The following PAK4 variants were observed in gnomAD, a reference collection of about 807,000 sequenced individuals.
PAK4 encodes the protein p21 (RAC1) activated kinase 4.
Under a neutral mutation model 53.5 loss-of-function variants are expected in PAK4, and 49 were observed. That is an observed-to-expected ratio of 0.92 (90% CI 0.73 to 1.16). PAK4 has a LOEUF of 1.16. PAK4 is among the 50% of genes most tolerant of loss of function. The pLI is 0.00. For missense variants in PAK4, 824 were observed against 850.7 expected, an observed-to-expected ratio of 0.97 and a Z score of 0.39; for synonymous variants, 376 against 375.6, an observed-to-expected ratio of 1.00 and a Z score of -0.01.
In PAK4 at chr19:39,156,057, A is replaced by C. The variant is rs184751483; in HGVS notation, c.-22-13475A>C. On this transcript the variant is annotated intron_variant, in intron 1 of 8. Transcript: ENST00000358301. ...ATCCACACCTCCCGGCCCTATTCTC[A>C]CACCTCAGGATGGCGATATGGGGGC... Among the ~76,000 whole-genome samples, 190 of 151,516 alleles carry C rather than the reference A, an allele frequency of 1.3e-3. 1 individual carries two copies. The highest frequency in any genetic ancestry group is 2.5e-4 in the Non-Finnish European group (17 of 67,810).
chr19:39,177,348 A>G (rs956321876), intron 7 of PAK4, among the ~76,000 whole-genome samples: 1 of 152,112 alleles, frequency 6.6e-6, no homozygotes, highest in African/African-American at 2.4e-5. Flanking sequence ...CCTGTTTCTG[A>G]ACCAATCACT....
At chr19:39,169,830 T>C (rs1359617685) in intron 2 of PAK4, 73 bp downstream of exon 3, 1 of 990,896 alleles carries the variant, frequency 1.0e-6, no homozygotes, top group Non-Finnish European at 1.4e-6. Context: ...AACCCCACAC[T>C]CGACCCTGTG....
At chr19:39,171,390 G>A (rs939111044) in intron 2 of PAK4, among the ~76,000 whole-genome samples, 3 of 152,120 alleles carry the variant, frequency 2.0e-5, no homozygotes, top group Admixed American at 2.0e-4. Flanking sequence ...TGTATTTTTA[G>A]TAGAGACGGG....
At chr19:39,169,962 C>T (rs2074447473) in intron 2 of PAK4, among the ~76,000 whole-genome samples, 1 of 113,934 alleles carries the variant, frequency 8.8e-6, no homozygotes. Flanking sequence ...ACCCATGCCA[C>T]CCCAACCTGA....
At chr19:39,163,277 C>T (rs529336) in intron 1 of PAK4, among the ~76,000 whole-genome samples, 93,255 of 151,730 alleles carry the variant, frequency 0.61, 28,893 homozygotes, top group East Asian at 0.82. Context: ...ATTTTGGTAA[C>T]GATGAAAGGA....
At chr19:39,154,568 C>T (rs1244744684) in intron 1 of PAK4, among the ~76,000 whole-genome samples, 1 of 152,114 alleles carries the variant, frequency 6.6e-6, no homozygotes, top group Non-Finnish European at 1.5e-5. Context: ...ATTACAAAGA[C>T]AGAGAGAAGG....
chr19:39,133,526 G>T (rs1206718751), intron 1 of PAK4, among the ~76,000 whole-genome samples: 1 of 152,120 alleles, frequency 6.6e-6, no homozygotes, highest in African/African-American at 2.4e-5. Context: ...GATGCTGGAG[G>T]CCTGGCTGGT....
chr19:39,177,599 C>T lies in PAK4; in HGVS notation c.1486-76C>T, dbSNP rs560629146. ...GCCAGAGGCAGAGACAGCGCTGGAG[C>T]GGTCCCTGCCTGAGGCCTCCCCAGG... On this transcript the variant is annotated intron_variant, in intron 7 of 8. Coordinates refer to ENST00000358301, the Ensembl canonical transcript of PAK4. 60 of 1,479,368 alleles carry T rather than the reference C, an allele frequency of 4.1e-5. No homozygotes were observed. In the East Asian group the frequency reaches 7.7e-4, roughly 19 times the overall value. The allele number at this position is 1,479,368 out of a possible 1,614,324, so 91.6% of individuals were successfully genotyped here.
At chr19:39,138,498 T>C (rs2073857753) in intron 1 of PAK4, among the ~76,000 whole-genome samples, 1 of 152,246 alleles carries the variant, frequency 6.6e-6, no homozygotes, top group Non-Finnish European at 1.5e-5. Context: ...GTTTATGTCT[T>C]CTCGTTCATA....
At chr19:39,168,284 C>G (rs2074412392) in intron 1 of PAK4, 1 of 152,170 alleles carries the variant, frequency 6.6e-6, no homozygotes, top group Non-Finnish European at 1.5e-5. Context: ...GCACTTCTGT[C>G]CCACCAGCAT....
chr19:39,175,339 G>T lies in PAK4; in HGVS notation c.1260G>T (p.Val420=). 6.3e-7 allele frequency: 1 copy of T among 1,597,060 alleles called. No individual in the cohort carries two copies. Among genetic ancestry groups the T allele is most frequent in the Non-Finnish European group, 8.5e-7 (1 of 1,172,654 alleles). ...TGAACGAGGAGCAGATCGCGGCCGT[G>T]TGCCTTGCAGTGCTGCAGGCCCTGT... Residue 420 remains valine, a synonymous_variant, in exon 6 of 9, where the codon GTG becomes GTT. Transcript: ENST00000358301. The surrounding 1 kb of genome is among the most constrained non-coding windows in gnomAD (Gnocchi z 4.7).
chr19:39,182,552 C>G (rs2074708890), downstream of PAK4: 1 of 152,272 alleles, frequency 6.6e-6, no homozygotes, highest in Non-Finnish European at 1.5e-5. Flanking sequence ...TGCAGTGGCT[C>G]ACGCCTGTAA....
chr19:39,158,120 A>C (rs1300127231), intron 1 of PAK4, among the ~76,000 whole-genome samples: 1 of 147,420 alleles, frequency 6.8e-6, no homozygotes, highest in Admixed American at 6.7e-5. Context: ...GCATTGTGTG[A>C]GTGCGTGCGT....
intron 1 of PAK4, among the ~76,000 whole-genome samples, chr19:39,132,357 C>G (rs1236035990): frequency 6.6e-6 from 1 of 152,250 alleles, no homozygotes; most frequent in Non-Finnish European, 1.5e-5. Context: ...GAGATAGCAT[C>G]ATCACCCCCG....
In PAK4 at chr19:39,178,557, T is replaced by G. The variant is rs754554761; in HGVS notation, c.1754T>G (p.Met585Arg). 1.2e-6 allele frequency: 2 copies of G among 1,608,180 alleles called. No individual in the cohort carries two copies. Among genetic ancestry groups the G allele is most frequent in the South Asian group, 2.2e-5 (2 of 90,708 alleles). Reference sequence around the variant, plus strand: ...CCGCCTGCCAGCATCGTGCCCCTCATGCGCCAGAACCGCACCAGATGAGGC... The same window carrying G: ...CCGCCTGCCAGCATCGTGCCCCTCAGGCGCCAGAACCGCACCAGATGAGGC... The change falls in exon 9 of 9, where the codon ATG becomes AGG. Residue 585 changes from methionine to arginine, a missense_variant. Around this residue, in one of 2 missense-constraint regions of PAK4, gnomAD observed 346 missense variants for 415.0 expected, o/e 0.83. Coordinates refer to ENST00000358301, the Ensembl canonical transcript of PAK4. This position sits in a 1 kb window ranked among gnomAD's most constrained non-coding sequence, Gnocchi z 4.4.
chr19:39,171,879 G>T (rs1424759370), intron 2 of PAK4, among the ~76,000 whole-genome samples: 1 of 152,238 alleles, frequency 6.6e-6, no homozygotes, highest in Non-Finnish European at 1.5e-5. Context: ...CTGAGCCCCT[G>T]CTGTGCGCCA....
intron 1 of PAK4, chr19:39,136,419 T>C: frequency 6.6e-6 from 1 of 152,368 alleles, no homozygotes; most frequent in Non-Finnish European, 1.5e-5. Flanking sequence ...AGGCAGGTCC[T>C]ACCCCGGGGC....
intron 2 of PAK4, among the ~76,000 whole-genome samples, chr19:39,171,753 G>A (rs376755970): frequency 7.0e-4 from 106 of 152,342 alleles, no homozygotes; most frequent in African/African-American, 1.5e-3. Flanking sequence ...GCAGGCCTCC[G>A]GCTGGAGGAC....
At position 39,178,948 on chromosome 19, in the gene PAK4, G is replaced by A. The variant is rs766481828; in HGVS notation, c.*369G>A. On this transcript the variant is annotated 3_prime_UTR_variant, in exon 9 of 9. Coordinates refer to ENST00000358301, the Ensembl canonical transcript of PAK4. The surrounding 1 kb of genome is among the most constrained non-coding windows in gnomAD (Gnocchi z 4.4). ...TGAACATGTATGAGTGTGTGCACGC[G>A]TGTGAGTGTGCATGTGTGTGTGTGC... is the stretch of plus-strand genomic sequence containing the variant. 10 of 182,120 alleles carry A rather than the reference G, an allele frequency of 5.5e-5. No individual in the cohort carries two copies. The highest frequency in any genetic ancestry group is 1.1e-4 in the South Asian group (1 of 9,130). 11.3% of individuals were successfully genotyped at this position (182,120 alleles called of 1,614,324 possible). A position where few individuals can be genotyped will look rare whatever the true frequency, so the allele number is the denominator to read the frequency against.
Sources: gnomAD v4.1 joint callset for allele counts (sites outside exome capture counted in the v4.1 genomes callset) on GRCh38, gnomAD v4.1.1 for gene constraint, gnomAD v4.1.1 regional missense constraint, Gnocchi (gnomAD v3.1) non-coding constraint, MANE v1.5 for transcripts, NCBI Gene and HGNC (gene_info 2026-07-23, HGNC 2026-07-21) for gene names.